Variants in AK5 observed in about 807,000 individuals in gnomAD.
AK5 encodes adenylate kinase 5, also known as adenylate kinase isoenzyme 5.
Under a neutral mutation model 69.5 loss-of-function variants are expected in AK5, and 27 were observed. That is an observed-to-expected ratio of 0.39 (90% CI 0.29 to 0.54). The LOEUF is 0.54. Ranked by LOEUF, AK5 falls within the 20% of genes least tolerant of loss-of-function variation. AK5 has a pLI of 0.71. For synonymous variants in AK5, 260 were observed against 244.4 expected (o/e 1.06, Z -0.60); for missense variants, 531 against 700.4 (o/e 0.76, Z 2.73).
At chr1:77,368,321 ATATATATGT>A (rs71075738) in intron 6 of AK5, among the ~76,000 whole-genome samples, 12,659 of 122,412 alleles carry the variant, frequency 0.1, 929 homozygotes, top group Non-Finnish European at 0.12. Flanking sequence ...GTTATATATA[ATATATATGT>A]TATATATGTT....
rs971389446 is a variant in AK5 at position 77,509,160 on chromosome 1, A to G, written c.1148-9404A>G. ...CCTCTGTGAAGCTCACAGATAGTCC[A>G]TCATTCATTCACTGATATACTATAC... is the stretch of plus-strand genomic sequence containing the variant. On this transcript the variant is annotated intron_variant, in intron 10 of 13. Transcript: ENST00000354567. 3.4e-5 allele frequency among the ~76,000 whole-genome samples: 5 copies of G among 147,172 alleles called. No homozygotes were observed. In the South Asian group the frequency reaches 1.1e-3, roughly 31 times the overall value.
intron 5 of AK5, among the ~76,000 whole-genome samples, chr1:77,323,539 TA>T (rs1660641363): frequency 6.6e-6 from 1 of 152,228 alleles, no homozygotes; most frequent in Admixed American, 6.5e-5. Context: ...TTTGTACATA[TA>T]AACACTCAAT....
chr1:77,403,740 A>G (rs1336956097), intron 6 of AK5, among the ~76,000 whole-genome samples: 2 of 152,192 alleles, frequency 1.3e-5, no homozygotes, highest in East Asian at 3.8e-4. Context: ...TGATGCCTCC[A>G]GCTTTGTTCT....
intron 1 of AK5, among the ~76,000 whole-genome samples, 164 bp from the exon 2 acceptor site, chr1:77,286,777 G>A (rs1484108343): frequency 6.6e-6 from 1 of 152,104 alleles, no homozygotes; most frequent in Non-Finnish European, 1.5e-5. Context: ...AACCAAGGAG[G>A]TAGAAGTTGC....
intron 5 of AK5, among the ~76,000 whole-genome samples, chr1:77,321,401 G>A (rs992708433): frequency 3.3e-5 from 5 of 151,982 alleles, no homozygotes; most frequent in African/African-American, 1.2e-4. Context: ...CCCGAGAGGC[G>A]TAGGTTGCAG....
chr1:77,282,403 G>C, intron 1 of AK5, 30 bp downstream of exon 1: 1 of 1,534,552 alleles, frequency 6.5e-7, no homozygotes, highest in Non-Finnish European at 8.8e-7. Context: ...ACGGGCGGTA[G>C]CATCCGGGGA....
rs116228197 is a variant in AK5 at position 77,321,821 on chromosome 1, A to G, written c.700-18556A>G. On this transcript the variant is annotated intron_variant, in intron 5 of 13. Transcript: ENST00000354567. ...AAGAAAAAGAAACAAAAGGCATAAT[A>G]CAGGAAAGGAAGGACTAATATTGTC... is the stretch of plus-strand genomic sequence containing the variant. Among the ~76,000 whole-genome samples, 464 of 152,288 alleles carry G rather than the reference A, an allele frequency of 3.0e-3. 4 individuals carry two copies. Among genetic ancestry groups the G allele is most frequent in the African/African-American group, 0.011 (448 of 41,580 alleles).
At chr1:77,391,489 GTGTGTGTA>G (rs1648463724) in intron 6 of AK5, among the ~76,000 whole-genome samples, 2 of 18,780 alleles carry the variant, frequency 1.1e-4, no homozygotes, top group African/African-American at 7.1e-4. Flanking sequence ...GTGTATGTGT[GTGTGTGTA>G]TATATATATA....
intron 2 of AK5, 59 bp from the exon 3 acceptor site, chr1:77,293,734 G>T: frequency 7.1e-7 from 1 of 1,416,776 alleles, no homozygotes; most frequent in Non-Finnish European, 9.6e-7. Context: ...CTGTTTAAGT[G>T]TGAAGAGTGT....
chr1:77,293,286 A>T (rs1053199783), intron 2 of AK5, among the ~76,000 whole-genome samples: 2 of 152,188 alleles, frequency 1.3e-5, no homozygotes, highest in African/African-American at 4.8e-5. Flanking sequence ...TTGTTGAATG[A>T]ATGAAATACA....
At chr1:77,416,791 T>C (rs772707294) in intron 7 of AK5, among the ~76,000 whole-genome samples, 9 of 152,212 alleles carry the variant, frequency 5.9e-5, no homozygotes, top group Non-Finnish European at 1.2e-4. Context: ...TGACTAAGAA[T>C]GATTTGCCAA....
intron 6 of AK5, among the ~76,000 whole-genome samples, chr1:77,345,747 C>A (rs1014297725): frequency 6.6e-6 from 1 of 152,116 alleles, no homozygotes; most frequent in African/African-American, 2.4e-5. Context: ...TTCATTTGCC[C>A]CATATCACTT....
chr1:77,521,875 G>A lies in AK5; in HGVS notation c.1360G>A (p.Asp454Asn). ...LKEAMVASLG[D>N]TRGFLIDGYP... ...GGAGGCCATGGTGGCCAGCCTCGGG[G>A]ACACCAGGGGCTTCCTGATTGACGG... The change falls in exon 12 of 14, where the codon GAC (aspartate) becomes AAC (asparagine). Residue 454 changes from aspartate to asparagine, a missense_variant. Transcript: ENST00000354567. 1 of 1,613,732 alleles carries A rather than the reference G, an allele frequency of 6.2e-7. No homozygotes were observed. The highest frequency in any genetic ancestry group is 1.7e-4 in the Middle Eastern group (1 of 6,060).
chr1:77,526,554 C>T (rs1358489578), intron 12 of AK5, among the ~76,000 whole-genome samples: 3 of 143,152 alleles, frequency 2.1e-5, no homozygotes, highest in Middle Eastern at 4.0e-3. Context: ...TGGCTCACTG[C>T]AAGCTCTGCC....
At chr1:77,395,290 T>A (rs1270871021) in intron 6 of AK5, among the ~76,000 whole-genome samples, 2 of 152,206 alleles carry the variant, frequency 1.3e-5, no homozygotes, top group African/African-American at 2.4e-5. Context: ...AGCCTGAGGG[T>A]TGCATTTAAA....
chr1:77,336,144 C>T (rs1048276555), intron 5 of AK5, among the ~76,000 whole-genome samples: 9 of 147,002 alleles, frequency 6.1e-5, no homozygotes, highest in East Asian at 2.0e-4. Flanking sequence ...TGCAGTGGCG[C>T]GATCTCATCT....
intron 6 of AK5, among the ~76,000 whole-genome samples, chr1:77,391,495 G>GTGTGTATATATATATATATA (rs1425180466): frequency 5.4e-4 from 34 of 63,346 alleles, no homozygotes; most frequent in African/African-American, 1.1e-3. Context: ...GTGTGTGTGT[G>GTGTGTATATATATATATATA]TATATATATA....
chr1:77,410,138 A>AT (rs1290902764), intron 6 of AK5, among the ~76,000 whole-genome samples: 1 of 152,154 alleles, frequency 6.6e-6, no homozygotes, highest in Non-Finnish European at 1.5e-5. Flanking sequence ...AATATTTAAA[A>AT]TTTTGTAAAT....
chr1:77,424,271 A>G (rs1458770136), intron 8 of AK5, among the ~76,000 whole-genome samples: 2 of 152,082 alleles, frequency 1.3e-5, no homozygotes, highest in Admixed American at 6.5e-5. Context: ...ATTTTATTTT[A>G]TTTTTTAGAG....
Sources: allele counts gnomAD v4.1 joint callset (sites outside exome capture counted in the v4.1 genomes callset), GRCh38; gene constraint gnomAD v4.1.1; transcripts MANE v1.5; gene names NCBI Gene and HGNC (gene_info 2026-07-23, HGNC 2026-07-21).